Variants in DNAH2 observed in about 807,000 individuals in gnomAD.
DNAH2 encodes the protein dynein axonemal heavy chain 2, also known as axonemal beta dynein heavy chain 2.
A neutral mutation model predicts 523.5 loss-of-function variants in DNAH2; 323 were observed. That is an observed-to-expected ratio of 0.62 (90% confidence interval 0.56 to 0.68). DNAH2 has a LOEUF of 0.68. DNAH2 is among the 30% of genes least tolerant of loss of function. The pLI is 0.00. For missense variants in DNAH2, 4,907 were observed against 5,701.5 expected, an observed-to-expected ratio of 0.86 and a Z score of 4.49; for synonymous variants, 2,093 against 2,177.4, an observed-to-expected ratio of 0.96 and a Z score of 1.08.
Position 7,768,054 on chromosome 17 carries a change from A to G in DNAH2, c.3830A>G (p.Glu1277Gly), listed in dbSNP as rs762512236. 4.3e-6 allele frequency: 7 copies of G among 1,614,082 alleles called. No homozygotes were observed. The South Asian group carries it at 7.7e-5, about 18-fold the overall frequency. ...LFRRLTKLAK[E>G]YKDRNWEIIE... ...CGTCGCCTCACAAAATTAGCCAAAGAGTATAAGGTGGGGAGAAACGGCGGG... is the reference window on the plus strand; with the variant it reads ...CGTCGCCTCACAAAATTAGCCAAAGGGTATAAGGTGGGGAGAAACGGCGGG... Residue 1277 changes from glutamate to glycine, a missense_variant, in exon 23 of 86, where the codon GAG becomes GGG. Around this residue, in one of 3 missense-constraint regions of DNAH2, gnomAD observed 2,806 missense variants for 3,190.8 expected, o/e 0.88. Coordinates refer to ENST00000572933, the MANE Select transcript of DNAH2 (RefSeq NM_020877.5).
chr17:7,770,952 A>T lies in DNAH2; in HGVS notation c.4362+19A>T. The T allele has an allele frequency of 2.5e-6, 4 of 1,609,976 alleles. No individual in the cohort carries two copies. The highest frequency in any genetic ancestry group is 3.4e-6 in the Non-Finnish European group (4 of 1,178,188). ...CTTAGAGGTCAGGACTCAGCGCCTGAGCTCTTCCTGCTTCCTGCTCTTACT... is the reference window on the plus strand; with the variant it reads ...CTTAGAGGTCAGGACTCAGCGCCTGTGCTCTTCCTGCTTCCTGCTCTTACT... On this transcript the variant is annotated intron_variant, in intron 27 of 85. Coordinates refer to ENST00000572933, the MANE Select transcript of DNAH2 (RefSeq NM_020877.5).
Position 7,813,303 on chromosome 17 carries a change from A to G in DNAH2, c.9730-3268A>G, listed in dbSNP as rs1171739402. 2.0e-5 allele frequency among the ~76,000 whole-genome samples: 3 copies of G among 150,404 alleles called. No homozygotes were observed. The South Asian group carries it at 6.3e-4, about 31-fold the overall frequency. ...AGAGACAGGGTCTTGCTGTGCTGCT[A>G]CGGTCTCAAACTTCTGGCCTCAAGC... is the stretch of plus-strand genomic sequence containing the variant. On this transcript the variant is annotated intron_variant, in intron 63 of 85. Transcript: ENST00000572933.
Position 7,801,726 on chromosome 17 carries a change from C to T in DNAH2, c.8832+16C>T, listed in dbSNP as rs773153304. ...TCAGGAGAATGTGAGCCCCTCCTCC[C>T]CACCTCTCATTGCATCCCTGGCCTC... On this transcript the variant is annotated intron_variant, in intron 57 of 85. Transcript: ENST00000572933. 8.1e-6 allele frequency: 13 copies of T among 1,613,804 alleles called. No homozygotes were observed. The South Asian group carries it at 8.8e-5, about 11-fold the overall frequency.
At chr17:7,744,543 G>C (rs1356618456) in intron 12 of DNAH2, among the ~76,000 whole-genome samples, 1 of 152,134 alleles carries the variant, frequency 6.6e-6, no homozygotes, top group East Asian at 1.9e-4. Flanking sequence ...CAGTGAGGAG[G>C]ACAGGGATGT....
At position 7,830,961 on chromosome 17, in the gene DNAH2, T is replaced by G. The variant is rs1290491314; in HGVS notation, c.12230+119T>G. On this transcript the variant is annotated intron_variant, in intron 79 of 85. Coordinates refer to ENST00000572933, the MANE Select transcript of DNAH2 (RefSeq NM_020877.5). ...TGAGATTGGAAGAAGACAGAGTTTG[T>G]GGGATTGAGATGGGGAGCAGGGCAG... 8.5e-6 allele frequency: 13 copies of G among 1,521,408 alleles called. No homozygotes were observed. In the Admixed American group the frequency reaches 2.2e-4, roughly 26 times the overall value. 94.2% of individuals were successfully genotyped at this position (1,521,408 alleles called of 1,614,324 possible).
rs1455683834 is a variant in DNAH2 at position 7,779,258 on chromosome 17, T to A, written c.5557T>A (p.Cys1853Ser). The A allele has an allele frequency of 2.5e-6, 4 of 1,614,098 alleles. No homozygotes were observed. The South Asian group carries it at 4.4e-5, about 18-fold the overall frequency. Reference protein sequence around the residue: ...SGLAQTGAWGCFDEFNRINIE... With the variant: ...SGLAQTGAWGSFDEFNRINIE... ...CACCCCGCAGACTGGAGCTTGGGGC[T>A]GCTTTGATGAGTTTAACCGCATCAA... Residue 1853 changes from cysteine (C) to serine (S), a missense_variant, in exon 36 of 86, where the codon TGC (cysteine) becomes AGC (serine). Transcript: ENST00000572933.
chr17:7,741,312 T>TCCCA (rs2075334722), intron 11 of DNAH2, among the ~76,000 whole-genome samples: 1 of 67,670 alleles, frequency 1.5e-5, no homozygotes, highest in Non-Finnish European at 2.7e-5. Flanking sequence ...CTTCCCTCCC[T>TCCCA]CCCTCCCTCC....
chr17:7,775,955 C>G, intron 30 of DNAH2, 69 bp from the exon 31 acceptor site: 1 of 1,590,032 alleles, frequency 6.3e-7, no homozygotes, highest in Non-Finnish European at 8.6e-7. Context: ...TCCATAAGTG[C>G]CTTCCCTGTG....
rs1403313162 is a variant in DNAH2 at position 7,776,065 on chromosome 17, G to A, written c.4863G>A (p.Leu1621=). 6.2e-7 allele frequency: 1 copy of A among 1,614,032 alleles called. No individual in the cohort carries two copies. Among genetic ancestry groups the A allele is most frequent in the African/African-American group, 1.3e-5 (1 of 74,944 alleles). The change falls in exon 31 of 86, where the codon CTG becomes CTA. Residue 1621 remains leucine, a synonymous_variant. Coordinates refer to ENST00000572933, the MANE Select transcript of DNAH2 (RefSeq NM_020877.5). ...TGGAACAGACCATGAGGGTGACCCT[G>A]CGGGACCTTCTCCGGAACTGCCACC... ...GDVEQTMRVT[L]RDLLRNCHLA...
At chr17:7,733,416 G>C in intron 5 of DNAH2, 101 bp downstream of exon 5, 1 of 1,078,408 alleles carries the variant, frequency 9.3e-7, no homozygotes, top group South Asian at 1.4e-5. Flanking sequence ...TGTGGAGGAG[G>C]AAGTATTCAG....
chr17:7,794,155 G>A (rs564724305), intron 48 of DNAH2, 99 bp from the exon 49 acceptor site: 10 of 761,752 alleles, frequency 1.3e-5, no homozygotes, highest in Middle Eastern at 2.4e-4. Context: ...GTCCCTCCTC[G>A]CACTGTTTTC....
In DNAH2 at chr17:7,774,949, C is replaced by G; in HGVS notation, c.4692C>G (p.Asp1564Glu). Residue 1564 changes from aspartate to glutamate, a missense_variant, in exon 29 of 86, where the codon GAC becomes GAG. Physicochemically the swap from Asp to Glu is conservative, Grantham distance 45. This residue lies in a region of DNAH2 where 2,806 missense variants were observed against 3,190.8 expected (regional missense o/e 0.88). Transcript: ENST00000572933. ...AVQPHLKKCF[D>E]NIKLLRIQKV... ...AGCCACACCTCAAAAAATGCTTTGA[C>G]AACATCAAGTTGCTGAGAATCCAGA... 1 of 1,613,992 alleles carries G rather than the reference C, an allele frequency of 6.2e-7. No homozygotes were observed. Among genetic ancestry groups the G allele is most frequent in the Non-Finnish European group, 8.5e-7 (1 of 1,180,032 alleles).
chr17:7,812,435 T>C (rs1461486679), intron 63 of DNAH2, among the ~76,000 whole-genome samples: 2 of 151,400 alleles, frequency 1.3e-5, no homozygotes, highest in East Asian at 1.9e-4. Flanking sequence ...CTGGGCAACA[T>C]AGAGAGACTT....
intron 4 of DNAH2, among the ~76,000 whole-genome samples, chr17:7,729,157 T>C (rs1296708408): frequency 6.6e-6 from 1 of 152,066 alleles, no homozygotes; most frequent in Non-Finnish European, 1.5e-5. Flanking sequence ...TTTAATCTAA[T>C]ACACTTTAAA....
chr17:7,760,918 T>C lies in DNAH2; in HGVS notation c.2964T>C (p.Val988=). The change falls in exon 18 of 86, where the codon GTT becomes GTC. Residue 988 remains valine (V), a synonymous_variant. Coordinates refer to ENST00000572933, the MANE Select transcript of DNAH2 (RefSeq NM_020877.5). This position sits in a 1 kb window ranked among gnomAD's most constrained non-coding sequence, Gnocchi z 4.0. The part of the protein sequence containing the change: ...QRLNPPVSSF[V]ADIARYTEVA... ...TCAACCCTCCTGTCTCTTCTTTTGT[T>C]GCCGACATTGCCCGGTGAGTGGTGA... The C allele has an allele frequency of 6.2e-7, 1 of 1,614,100 alleles. No homozygotes were observed. The highest frequency in any genetic ancestry group is 2.2e-5 in the East Asian group (1 of 44,886).
In DNAH2 at chr17:7,819,490, C is replaced by A. The variant is rs112675081; in HGVS notation, c.11015+82C>A. 21 of 1,478,672 alleles carry A rather than the reference C, an allele frequency of 1.4e-5. 1 individual carries two copies. The African/African-American group carries it at 1.5e-4, about 11-fold the overall frequency. The allele number at this position is 1,478,672 out of a possible 1,614,324, so 91.6% of individuals were successfully genotyped here. The stretch of plus-strand genomic sequence containing the variant: ...TGGCCACTGCACCTTCGTGCTTTCC[C>A]GCACCGCGGCTCTCAGCCTGCCGCT... On this transcript the variant is annotated intron_variant, in intron 72 of 85. Coordinates refer to ENST00000572933, the MANE Select transcript of DNAH2 (RefSeq NM_020877.5).
At chr17:7,721,362 T>TG (rs1247898017) in intron 2 of DNAH2, among the ~76,000 whole-genome samples, 7 of 151,844 alleles carry the variant, frequency 4.6e-5, no homozygotes, top group Non-Finnish European at 1.0e-4. Flanking sequence ...TTAGTAGAGA[T>TG]GGGGTTTCAC....
intron 4 of DNAH2, among the ~76,000 whole-genome samples, chr17:7,728,707 A>G (rs1343506899): frequency 6.6e-6 from 1 of 152,182 alleles, no homozygotes; most frequent in Non-Finnish European, 1.5e-5. Flanking sequence ...ATAAAAAAGT[A>G]TCATATTTGG....
At chr17:7,735,828 C>CTTG (rs2075126626) in intron 7 of DNAH2, among the ~76,000 whole-genome samples, 3 of 152,114 alleles carry the variant, frequency 2.0e-5, no homozygotes, top group Non-Finnish European at 4.4e-5. Context: ...TCTCGGCTCA[C>CTTG]TGCAACCTCT....
Sources: gnomAD v4.1 joint callset for allele counts (sites outside exome capture counted in the v4.1 genomes callset) on GRCh38, gnomAD v4.1.1 for gene constraint, gnomAD v4.1.1 regional missense constraint, Gnocchi (gnomAD v3.1) non-coding constraint, MANE v1.5 for transcripts, NCBI Gene and HGNC (gene_info 2026-07-23, HGNC 2026-07-21) for gene names.